Variants in DISP1 observed in about 807,000 individuals in gnomAD.
DISP1 encodes protein dispatched homolog 1.
Under a neutral mutation model 37.3 loss-of-function variants are expected in DISP1, and 30 were observed. The observed-to-expected ratio is 0.80, with a 90% confidence interval of 0.60 to 1.09. The LOEUF is 1.09. Among genes scored for constraint, DISP1 ranks in the 50% least tolerant of loss-of-function variants. DISP1 has a pLI of 0.00. For missense variants in DISP1, 1,598 were observed against 1,879.5 expected, an observed-to-expected ratio of 0.85 and a Z score of 2.77; for synonymous variants, 634 against 690.2, an observed-to-expected ratio of 0.92 and a Z score of 1.28.
chr1:222,991,433 C>G, intron 5 of DISP1, 87 bp from the exon 6 acceptor site: 1 of 1,535,966 alleles, frequency 6.5e-7, no homozygotes, highest in Non-Finnish European at 9.0e-7. Flanking sequence ...CTATATATCA[C>G]TTTGACATTG....
At chr1:222,829,938 G>T (rs1351231870) in intron 1 of DISP1, among the ~76,000 whole-genome samples, 2 of 151,728 alleles carry the variant, frequency 1.3e-5, no homozygotes, top group East Asian at 1.9e-4. Flanking sequence ...TGTTTTGTGG[G>T]TTTTTTTTAG....
At chr1:222,855,372 A>C (rs1668491881) in intron 1 of DISP1, among the ~76,000 whole-genome samples, 1 of 152,244 alleles carries the variant, frequency 6.6e-6, no homozygotes, top group South Asian at 2.1e-4. Flanking sequence ...GAAAGCCCTG[A>C]AAATTATCTT....
chr1:222,859,355 G>A (rs187188462), intron 1 of DISP1, among the ~76,000 whole-genome samples: 8 of 152,266 alleles, frequency 5.3e-5, no homozygotes, highest in Admixed American at 3.3e-4. Context: ...GGGAGGGAGA[G>A]CATTAGGAAA....
intron 1 of DISP1, among the ~76,000 whole-genome samples, chr1:222,873,627 G>A (rs1669726954): frequency 6.6e-6 from 1 of 151,906 alleles, no homozygotes. Flanking sequence ...CATTTGCTTG[G>A]TAGATCTTCC....
chr1:222,912,712 A>T (rs1399028920), intron 1 of DISP1, among the ~76,000 whole-genome samples: 1 of 152,212 alleles, frequency 6.6e-6, no homozygotes, highest in African/African-American at 2.4e-5. Context: ...GGATTAATCA[A>T]AGTGTTTCTT....
chr1:222,888,386 A>AAAATTTTAT (rs1670756345), intron 1 of DISP1, among the ~76,000 whole-genome samples: 1 of 152,228 alleles, frequency 6.6e-6, no homozygotes, highest in Non-Finnish European at 1.5e-5. Context: ...TCTTTTAAAA[A>AAAATTTTAT]GTTAAAAATT....
chr1:223,000,276 T>C lies in DISP1; in HGVS notation c.988-2109T>C, dbSNP rs77819073. ...TCATCAAGCTGACCCTAGTGGTTTG[T>C]ATGTTACGTCTTTGTAAGGTAAAAC... On this transcript the variant is annotated intron_variant, in intron 8 of 8. Coordinates refer to ENST00000675850, the MANE Select transcript of DISP1 (RefSeq NM_001377229.1). 2.4e-3 allele frequency among the ~76,000 whole-genome samples: 366 copies of C among 152,310 alleles called. 2 individuals carry two copies. The highest frequency in any genetic ancestry group is 6.8e-3 in the Middle Eastern group (2 of 294).
At chr1:222,815,644 G>C (rs144664143) in intron 1 of DISP1, among the ~76,000 whole-genome samples, 2 of 152,334 alleles carry the variant, frequency 1.3e-5, no homozygotes, top group Non-Finnish European at 2.9e-5. Context: ...CGCTCCGCGC[G>C]TGTGGATTTC....
chr1:222,844,310 C>T (rs1667776177), intron 1 of DISP1, among the ~76,000 whole-genome samples: 1 of 152,078 alleles, frequency 6.6e-6, no homozygotes. Context: ...TCAAGTGTAG[C>T]TTAGAAAACA....
chr1:222,984,852 C>T (rs1558069970), intron 4 of DISP1, among the ~76,000 whole-genome samples: 2 of 152,152 alleles, frequency 1.3e-5, no homozygotes, highest in Non-Finnish European at 2.9e-5. Flanking sequence ...ATGGGTTTGA[C>T]TGCTGTAAGT....
chr1:222,830,588 G>T (rs953076163), intron 1 of DISP1, among the ~76,000 whole-genome samples: 2 of 152,056 alleles, frequency 1.3e-5, no homozygotes, highest in African/African-American at 4.8e-5. Context: ...AGTTATGTTG[G>T]TCAGGCTGGT....
At chr1:222,872,849 C>A (rs1291396634) in intron 1 of DISP1, among the ~76,000 whole-genome samples, 2 of 152,140 alleles carry the variant, frequency 1.3e-5, no homozygotes, top group Non-Finnish European at 2.9e-5. Flanking sequence ...TTCTCTAGTT[C>A]TTTTAATAGT....
At chr1:222,863,300 T>G (rs1241456821) in intron 1 of DISP1, among the ~76,000 whole-genome samples, 5 of 152,090 alleles carry the variant, frequency 3.3e-5, no homozygotes, top group Admixed American at 2.0e-4. Context: ...GTGGGCAGAT[T>G]GCTTCAGCTC....
intron 3 of DISP1, among the ~76,000 whole-genome samples, chr1:222,980,447 G>T (rs1002840290): frequency 6.7e-6 from 1 of 150,012 alleles, no homozygotes; most frequent in Non-Finnish European, 1.5e-5. Flanking sequence ...GTGTATAAGA[G>T]AGAAACAAAA....
chr1:223,003,802 T>G lies in DISP1; in HGVS notation c.2405T>G (p.Leu802Arg), dbSNP rs1679667544. Reference protein sequence around the residue: ...GVSPEDNGNPLNPKSKGKLTL... With the variant: ...GVSPEDNGNPRNPKSKGKLTL... ...TCCCCAGAAGACAATGGCAACCCAC[T>G]AAATCCCAAGAGTAAAGGGAAGTTG... Residue 802 changes from leucine (L) to arginine (R), a missense_variant, in exon 9 of 9, where the codon CTA becomes CGA. Transcript: ENST00000675850. The surrounding 1 kb of genome is among the most constrained non-coding windows in gnomAD (Gnocchi z 4.3). 1 of 1,614,206 alleles carries G rather than the reference T, an allele frequency of 6.2e-7. No homozygotes were observed.
chr1:222,922,489 A>G (rs780138577), intron 1 of DISP1, among the ~76,000 whole-genome samples: 5 of 152,180 alleles, frequency 3.3e-5, no homozygotes, highest in Non-Finnish European at 7.3e-5. Flanking sequence ...GTAAAGGTCA[A>G]AGATGACTCC....
At chr1:222,874,818 G>C (rs962004286) in intron 1 of DISP1, among the ~76,000 whole-genome samples, 10 of 151,934 alleles carry the variant, frequency 6.6e-5, no homozygotes, top group African/African-American at 1.9e-4. Flanking sequence ...GCGTTCCTTT[G>C]GAGGAGGAGA....
chr1:222,959,293 C>G (rs1166990751), intron 3 of DISP1, among the ~76,000 whole-genome samples: 1 of 152,092 alleles, frequency 6.6e-6, no homozygotes, highest in Non-Finnish European at 1.5e-5. Flanking sequence ...TACTATATGC[C>G]AGGCATTGTG....
At chr1:222,957,273 G>A (rs1675677428) in intron 3 of DISP1, among the ~76,000 whole-genome samples, 1 of 151,914 alleles carries the variant, frequency 6.6e-6, no homozygotes, top group Non-Finnish European at 1.5e-5. Context: ...CTGATAAGTG[G>A]CAGAGAAAAA....
Sources: allele counts gnomAD v4.1 joint callset (sites outside exome capture counted in the v4.1 genomes callset), GRCh38; gene constraint gnomAD v4.1.1; non-coding constraint Gnocchi (gnomAD v3.1); transcripts MANE v1.5; gene names NCBI Gene and HGNC (gene_info 2026-07-23, HGNC 2026-07-21).